PKHD1: variants seen among roughly 807,000 people sequenced by gnomAD.
PKHD1 encodes the protein PKHD1 ciliary IPT domain containing fibrocystin/polyductin.
A neutral mutation model predicts 412.0 loss-of-function variants in PKHD1; 291 were observed. The ratio of observed to expected loss-of-function variants is 0.71; its 90% CI spans 0.64 to 0.78. The LOEUF (loss-of-function observed/expected upper bound fraction) is 0.78. PKHD1 is among the 30% of genes least tolerant of loss of function. PKHD1 has a pLI of 0.00. For missense variants in PKHD1, 4,825 were observed against 4,950.7 expected (o/e 0.97, Z 0.76); for synonymous variants, 1,777 against 1,821.5 (o/e 0.98, Z 0.62).
At chr6:51,894,585 G>C (rs1306882699) in intron 43 of PKHD1, among the ~76,000 whole-genome samples, 2 of 152,162 alleles carry the variant, frequency 1.3e-5, no homozygotes, top group East Asian at 3.9e-4. Flanking sequence ...TCTGCATCAG[G>C]GCAATTTGAG....
chr6:51,943,656 CA>C (rs1287274772), intron 36 of PKHD1, among the ~76,000 whole-genome samples: 2 of 151,602 alleles, frequency 1.3e-5, no homozygotes, highest in Admixed American at 1.3e-4. Flanking sequence ...TGGATCCTCC[CA>C]ATTCTTAATC....
At position 52,035,639 on chromosome 6, in the gene PKHD1, A is replaced by G; in HGVS notation, c.3180T>C (p.Asn1060=). Residue 1060 remains asparagine (N), a synonymous_variant, in exon 28 of 67, where the codon AAT becomes AAC. Transcript: ENST00000371117. The stretch of plus-strand genomic sequence containing the variant: ...TTCTGCTTGAATTGCTTGTAGCGAC[A>G]TTGATGGCACACGAGTAAGATCCAA... ...ILFGSYSCAI[N]VATSNSSRIQ... is the part of the protein sequence containing the mutation. 1.2e-6 allele frequency: 2 copies of G among 1,614,026 alleles called. No individual in the cohort carries two copies. Among genetic ancestry groups the G allele is most frequent in the Non-Finnish European group, 1.7e-6 (2 of 1,179,902 alleles).
chr6:51,785,246 C>T (rs9349597), intron 53 of PKHD1, among the ~76,000 whole-genome samples: 89,143 of 151,972 alleles, frequency 0.59, 26,904 homozygotes, highest in East Asian at 0.83. Context: ...TAGTATCGAT[C>T]TATTCATTTC....
intron 43 of PKHD1, among the ~76,000 whole-genome samples, chr6:51,895,605 T>C (rs1380556793): frequency 1.3e-5 from 2 of 152,178 alleles, no homozygotes; most frequent in Non-Finnish European, 2.9e-5. Context: ...TTTTAGAAAT[T>C]GTGCTAGTGT....
chr6:52,030,680 G>T (rs1033359251), intron 29 of PKHD1, among the ~76,000 whole-genome samples: 2 of 152,070 alleles, frequency 1.3e-5, no homozygotes, highest in African/African-American at 2.4e-5. Context: ...GAACTGGGAG[G>T]GGGTGGGAAG....
At chr6:51,953,788 T>C (rs1790728125) in intron 36 of PKHD1, among the ~76,000 whole-genome samples, 1 of 152,014 alleles carries the variant, frequency 6.6e-6, no homozygotes, top group South Asian at 2.1e-4. Context: ...AAGATCTGAA[T>C]GTCCTCAAAA....
chr6:51,931,078 A>C (rs968295743), intron 37 of PKHD1, among the ~76,000 whole-genome samples: 10 of 152,158 alleles, frequency 6.6e-5, no homozygotes, highest in Non-Finnish European at 1.3e-4. Context: ...GATCTGTTGA[A>C]GGTCATAGCT....
rs1802001065 is a variant in PKHD1 at position 52,025,389 on chromosome 6, C to A, written c.4421G>T (p.Gly1474Val). Residue 1474 changes from glycine to valine, a missense_variant, in exon 32 of 67, where the codon GGG (glycine) becomes GTG (valine). Gly to Val is a moderately radical substitution (Grantham distance 109). Coordinates refer to ENST00000371117, the MANE Select transcript of PKHD1 (RefSeq NM_138694.4). ...LVNGLTSECQGNCTLFIREEA... is the reference protein window; with the variant it reads ...LVNGLTSECQVNCTLFIREEA... The stretch of plus-strand genomic sequence containing the variant: ...TTCCCTTATGAAAAGAGTGCAATTC[C>A]CCTGACACTCGCTGGTTAGCCCATT... The A allele has an allele frequency of 6.2e-7, 1 of 1,611,446 alleles. No homozygotes were observed. Among genetic ancestry groups the A allele is most frequent in the Non-Finnish European group, 8.5e-7 (1 of 1,178,120 alleles).
intron 60 of PKHD1, among the ~76,000 whole-genome samples, chr6:51,711,835 G>A (rs949344034): frequency 2.0e-5 from 3 of 152,144 alleles, no homozygotes; most frequent in African/African-American, 4.8e-5. Context: ...AAAAAAGAAA[G>A]ATAAATGTTT....
At chr6:52,040,937 A>G (rs1320218583) in intron 27 of PKHD1, among the ~76,000 whole-genome samples, 1 of 152,202 alleles carries the variant, frequency 6.6e-6, no homozygotes. Context: ...CTGGTAATAA[A>G]AGCTAAATAA....
chr6:51,724,910 G>A (rs1343810746), intron 60 of PKHD1, among the ~76,000 whole-genome samples: 1 of 152,200 alleles, frequency 6.6e-6, no homozygotes, highest in African/African-American at 2.4e-5. Context: ...GGGTGAACTA[G>A]ATAGCAAAAA....
intron 60 of PKHD1, among the ~76,000 whole-genome samples, chr6:51,737,092 T>C (rs994087817): frequency 6.6e-6 from 1 of 152,196 alleles, no homozygotes; most frequent in African/African-American, 2.4e-5. Context: ...CAGTGGTTTA[T>C]AACTTTCTTT....
Position 52,025,586 on chromosome 6 carries a change from A to AGT in PKHD1, c.4222_4223dup (p.Val1409LeufsTer2), listed in dbSNP as rs754692834. On this transcript the variant is annotated frameshift_variant, in exon 32 of 67. Coordinates refer to ENST00000371117, the MANE Select transcript of PKHD1 (RefSeq NM_138694.4). LOFTEE classifies it high-confidence loss of function. ...TAGAGTTAAGAAGCAACCCCCTCAC[A>AGT]GTAAGTATGGTCCCACCACATGCCG... 6 of 1,614,040 alleles carry AGT rather than the reference A, an allele frequency of 3.7e-6. No individual in the cohort carries two copies.
chr6:51,890,136 G>A (rs1778881774), intron 43 of PKHD1, among the ~76,000 whole-genome samples: 3 of 152,050 alleles, frequency 2.0e-5, no homozygotes, highest in Non-Finnish European at 2.9e-5. Context: ...AGTTTTATGA[G>A]TTTTGTATTA....
At chr6:52,053,005 G>A in intron 21 of PKHD1, 71 bp downstream of exon 21, 1 of 1,442,680 alleles carries the variant, frequency 6.9e-7, no homozygotes, top group Non-Finnish European at 9.7e-7. Flanking sequence ...AAAAAAAACA[G>A]TAACCCCTAG....
At chr6:51,626,303 T>C (rs1023851646) in intron 66 of PKHD1, among the ~76,000 whole-genome samples, 1 of 152,150 alleles carries the variant, frequency 6.6e-6, no homozygotes, top group Admixed American at 6.5e-5. Flanking sequence ...TTCAGGCCCA[T>C]GGAAATTATA....
In PKHD1 at chr6:51,847,927, AGTAG is replaced by A; in HGVS notation, c.7951_7954del (p.Leu2651CysfsTer15). Reference sequence around the variant, plus strand: ...AGGCGGCAAATCTGTGTGCACCAGCAGTAGGTAATTACCAGGAGCAAAGTTGTCA... The same window carrying A: ...AGGCGGCAAATCTGTGTGCACCAGCAGTAATTACCAGGAGCAAAGTTGTCA... On this transcript the variant is annotated frameshift_variant, in exon 50 of 67. Transcript: ENST00000371117. LOFTEE classifies it high-confidence loss of function. The A allele has an allele frequency of 6.2e-7, 1 of 1,614,090 alleles. No homozygotes were observed. Among genetic ancestry groups the A allele is most frequent in the Non-Finnish European group, 8.5e-7 (1 of 1,179,940 alleles).
In PKHD1 at chr6:51,619,266, G is replaced by A. The variant is rs374589028; in HGVS notation, c.12040C>T (p.Gln4014Ter). ...EQLLRYQLAG[Q>*]NQLLLLCPDF... The stretch of plus-strand genomic sequence containing the variant: ...GGGCATAGCAGCAGCAGCTGATTTT[G>A]GCCTGCCAGCTGGTATCTGAGCAAC... Residue 4014 changes from glutamine to a stop codon, truncating the protein, a stop_gained, in exon 67 of 67, where the codon CAA becomes TAA. Coordinates refer to ENST00000371117, the MANE Select transcript of PKHD1 (RefSeq NM_138694.4). LOFTEE classifies it low-confidence loss of function (END_TRUNC). 6.2e-7 allele frequency: 1 copy of A among 1,614,244 alleles called. No individual in the cohort carries two copies.
Position 52,072,705 on chromosome 6 carries a change from G to T in PKHD1, c.528-516C>A, listed in dbSNP as rs527867062. Among the ~76,000 whole-genome samples the T allele has an allele frequency of 3.3e-5, 5 of 152,258 alleles. No homozygotes were observed. In the East Asian group the frequency reaches 9.7e-4, roughly 29 times the overall value. ...CAACTAGGGCAAAATCAGACAGATG[G>T]AGTAGAACAGAAGAGGATGCCCCCA... On this transcript the variant is annotated intron_variant, in intron 7 of 66. Coordinates refer to ENST00000371117, the MANE Select transcript of PKHD1 (RefSeq NM_138694.4).
Sources: allele counts gnomAD v4.1 joint callset (sites outside exome capture counted in the v4.1 genomes callset), GRCh38; gene constraint gnomAD v4.1.1; transcripts MANE v1.5; gene names NCBI Gene and HGNC (gene_info 2026-07-23, HGNC 2026-07-21).